Variants in EFHC1 observed in about 807,000 individuals in gnomAD.
EFHC1 encodes the protein EF-hand domain-containing protein 1.
EFHC1 carries 53 observed loss-of-function variants against 69.9 expected under a neutral mutation model. The observed-to-expected ratio is 0.76, with a 90% CI of 0.61 to 0.95. The LOEUF (loss-of-function observed/expected upper bound fraction) is 0.95. Among genes scored for constraint, EFHC1 ranks in the 40% least tolerant of loss-of-function variants. The pLI, the probability that EFHC1 is intolerant of heterozygous loss-of-function variation, is 0.00. For synonymous variants in EFHC1, 256 were observed against 278.4 expected (o/e 0.92, Z 0.80); for missense variants, 739 against 798.7 (o/e 0.93, Z 0.90).
In EFHC1 at chr6:52,469,330, C is replaced by T; in HGVS notation, c.1138-3C>T. On this transcript the variant is annotated splice_polypyrimidine_tract_variant and splice_region_variant and intron_variant, in intron 6 of 10. Coordinates refer to ENST00000371068, the MANE Select transcript of EFHC1 (RefSeq NM_018100.4). The stretch of plus-strand genomic sequence containing the variant: ...TTACTTCTTGCTTCCTATGTATCTC[C>T]AGGAGTTGCCTCCTTATAACGGTTT... The T allele has an allele frequency of 6.2e-7, 1 of 1,613,886 alleles. No individual in the cohort carries two copies. The highest frequency in any genetic ancestry group is 8.5e-7 in the Non-Finnish European group (1 of 1,179,888).
In EFHC1 at chr6:52,484,887, C is replaced by G. The variant is rs115637436; in HGVS notation, c.1640+5100C>G. Among the ~76,000 whole-genome samples the G allele has an allele frequency of 3.6e-3, 546 of 151,846 alleles. 3 individuals are homozygous for G. The highest frequency in any genetic ancestry group is 0.021 in the South Asian group (102 of 4,778). On this transcript the variant is annotated intron_variant, in intron 9 of 10. Transcript: ENST00000371068. ...GAGAGAGGAGAAGTTATGAAATGCT[C>G]TATTTTATTGAATATATAAATATCA...
chr6:52,497,135 C>CTCTTCTT lies in EFHC1; in HGVS notation c.*4798_*4799insCTTTCTT, dbSNP rs60898192. 1.3e-5 allele frequency: 2 copies of CTCTTCTT among 151,960 alleles called. No homozygotes were observed. Among genetic ancestry groups the CTCTTCTT allele is most frequent in the African/African-American group, 4.8e-5 (2 of 41,400 alleles). The allele number at this position is 151,960 out of a possible 1,614,324, so 9.4% of individuals were successfully genotyped here. On this transcript the variant is annotated 3_prime_UTR_variant, in exon 11 of 11. Coordinates refer to ENST00000371068, the MANE Select transcript of EFHC1 (RefSeq NM_018100.4). ...CCCACAAACCCCATGTTAAGAAAAC[C>CTCTTCTT]TCTTTTCCACTTTACTATTAAAGAG... is the stretch of plus-strand genomic sequence containing the variant.
chr6:52,472,508 A>G (rs887132052), intron 7 of EFHC1, among the ~76,000 whole-genome samples: 2 of 152,166 alleles, frequency 1.3e-5, no homozygotes, highest in African/African-American at 4.8e-5. Flanking sequence ...AAGAAAACAT[A>G]AAGTTAAAAA....
intron 2 of EFHC1, among the ~76,000 whole-genome samples, chr6:52,437,834 A>G (rs1336941777): frequency 6.6e-6 from 1 of 152,166 alleles, no homozygotes; most frequent in Non-Finnish European, 1.5e-5. Context: ...CTGTCTCCAA[A>G]TATAGTCACA....
intron 3 of EFHC1, among the ~76,000 whole-genome samples, chr6:52,449,589 C>T (rs1343732632): frequency 6.6e-6 from 1 of 152,136 alleles, no homozygotes; most frequent in African/African-American, 2.4e-5. Context: ...TCCATCTCTT[C>T]TAGGTTTTCT....
Position 52,479,029 on chromosome 6 carries a change from C to G in EFHC1, c.1279-8C>G, listed in dbSNP as rs751569889. The G allele has an allele frequency of 1.9e-5, 30 of 1,612,618 alleles. No homozygotes were observed. Among genetic ancestry groups the G allele is most frequent in the Non-Finnish European group, 2.5e-5 (29 of 1,179,696 alleles). ...CTTCATAATATCCTCTTTTCTTCAC[C>G]TTTGTAGGAATCCCCCATCCCAGAA... On this transcript the variant is annotated splice_region_variant and splice_polypyrimidine_tract_variant and intron_variant, in intron 7 of 10. Coordinates refer to ENST00000371068, the MANE Select transcript of EFHC1 (RefSeq NM_018100.4).
chr6:52,480,157 A>G (rs1581847934), intron 9 of EFHC1: 1 of 445,094 alleles, frequency 2.2e-6, no homozygotes, highest in South Asian at 2.7e-5. Flanking sequence ...TGTCATGTGT[A>G]TTGCATCCTG....
At chr6:52,425,566 T>A (rs939354476) in intron 2 of EFHC1, among the ~76,000 whole-genome samples, 3 of 152,214 alleles carry the variant, frequency 2.0e-5, no homozygotes, top group Non-Finnish European at 2.9e-5. Context: ...ACTTAATTTG[T>A]ACTTATTTAA....
intron 9 of EFHC1, chr6:52,486,741 C>G (rs1480462956): frequency 6.6e-6 from 1 of 152,074 alleles, no homozygotes; most frequent in Non-Finnish European, 1.5e-5. Context: ...TAAGTAACTC[C>G]TCCTATTTCT....
rs1766066024 is a variant in EFHC1 at position 52,496,513 on chromosome 6, A to C, written c.*4172A>C. On this transcript the variant is annotated 3_prime_UTR_variant, in exon 11 of 11. Coordinates refer to ENST00000371068, the MANE Select transcript of EFHC1 (RefSeq NM_018100.4). Reference sequence around the variant, plus strand: ...ACATAGGTAGAGAAGACGTCTCTAAATGTTGTCCAGAGAATCCACTTGGTT... The same window carrying C: ...ACATAGGTAGAGAAGACGTCTCTAACTGTTGTCCAGAGAATCCACTTGGTT... 1.3e-5 allele frequency: 2 copies of C among 152,276 alleles called. No individual in the cohort carries two copies. The highest frequency in any genetic ancestry group is 2.4e-5 in the African/African-American group (1 of 41,558). 9.4% of individuals were successfully genotyped at this position (152,276 alleles called of 1,614,324 possible). A position where few individuals can be genotyped will look rare whatever the true frequency, so the allele number is the denominator to read the frequency against.
intron 7 of EFHC1, among the ~76,000 whole-genome samples, chr6:52,471,174 G>T (rs1765428280): frequency 6.6e-6 from 1 of 152,206 alleles, no homozygotes; most frequent in African/African-American, 2.4e-5. Flanking sequence ...ACCCACCTGT[G>T]AGGACAAACA....
Position 52,493,093 on chromosome 6 carries a change from T to C in EFHC1, c.*752T>C, listed in dbSNP as rs1158297420. 2 of 453,938 alleles carry C rather than the reference T, an allele frequency of 4.4e-6. No individual in the cohort carries two copies. Among genetic ancestry groups the C allele is most frequent in the Non-Finnish European group, 8.8e-6 (2 of 226,800 alleles). The allele number at this position is 453,938 out of a possible 1,614,324, so 28.1% of individuals were successfully genotyped here. On this transcript the variant is annotated 3_prime_UTR_variant, in exon 11 of 11. Transcript: ENST00000371068. ...ACCTTTCCCCAGGTAAGAGAATTCCTCCTGCCTGACTGGCTTCAAATTGGA... is the reference window on the plus strand; with the variant it reads ...ACCTTTCCCCAGGTAAGAGAATTCCCCCTGCCTGACTGGCTTCAAATTGGA...
intron 3 of EFHC1, among the ~76,000 whole-genome samples, 186 bp from the exon 4 acceptor site, chr6:52,452,502 A>G (rs1319394827): frequency 1.3e-5 from 2 of 152,106 alleles, no homozygotes; most frequent in East Asian, 1.9e-4. Context: ...GGGTCTCACT[A>G]TGTTGCTCAG....
rs1009792884 is a variant in EFHC1, at chr6:52,424,232, G to C, written c.285+65G>C. The stretch of plus-strand genomic sequence containing the variant: ...CTGAGAGCCAACTGCTTGCAAAAAA[G>C]TTAAAACAGTAAACCACAGAATTTC... On this transcript the variant is annotated intron_variant, in intron 2 of 10. Coordinates refer to ENST00000371068, the MANE Select transcript of EFHC1 (RefSeq NM_018100.4). 13 of 1,461,224 alleles carry C rather than the reference G, an allele frequency of 8.9e-6. No individual in the cohort carries two copies. The African/African-American group carries it at 1.8e-4, about 21-fold the overall frequency. 90.5% of individuals were successfully genotyped at this position (1,461,224 alleles called of 1,614,324 possible).
chr6:52,470,713 A>T (rs761209754), intron 7 of EFHC1, among the ~76,000 whole-genome samples: 1 of 152,248 alleles, frequency 6.6e-6, no homozygotes, highest in Non-Finnish European at 1.5e-5. Flanking sequence ...GAAAAGGGAA[A>T]GGAACTCCTA....
At chr6:52,423,118 T>C (rs1047002178) in intron 1 of EFHC1, among the ~76,000 whole-genome samples, 1 of 152,254 alleles carries the variant, frequency 6.6e-6, no homozygotes, top group Non-Finnish European at 1.5e-5. Flanking sequence ...CGGGGTAGAA[T>C]TATTGAGTTC....
intron 2 of EFHC1, among the ~76,000 whole-genome samples, chr6:52,426,197 A>C (rs1764297392): frequency 6.6e-6 from 1 of 152,180 alleles, no homozygotes; most frequent in South Asian, 2.1e-4. Context: ...AATCACTTAC[A>C]ATCTGACTTC....
At position 52,496,137 on chromosome 6, in the gene EFHC1, T is replaced by G. The variant is rs1766052293; in HGVS notation, c.*3796T>G. Reference sequence around the variant, plus strand: ...CATTACCCTGTAGCAAGCAATATTGTAGGAAGCAGAAATGATCATCACTTC... The same window carrying G: ...CATTACCCTGTAGCAAGCAATATTGGAGGAAGCAGAAATGATCATCACTTC... On this transcript the variant is annotated 3_prime_UTR_variant, in exon 11 of 11. Coordinates refer to ENST00000371068, the MANE Select transcript of EFHC1 (RefSeq NM_018100.4). 1 of 162,810 alleles carries G rather than the reference T, an allele frequency of 6.1e-6. No homozygotes were observed. Among genetic ancestry groups the G allele is most frequent in the African/African-American group, 2.4e-5 (1 of 41,472 alleles). The allele number at this position is 162,810 out of a possible 1,614,324, so 10.1% of individuals were successfully genotyped here. A position where few individuals can be genotyped will look rare whatever the true frequency, so the allele number is the denominator to read the frequency against.
chr6:52,491,445 T>C (rs1202926947), intron 10 of EFHC1, among the ~76,000 whole-genome samples: 1 of 152,214 alleles, frequency 6.6e-6, no homozygotes, highest in Non-Finnish European at 1.5e-5. Flanking sequence ...ACCCTTCCGT[T>C]AGGCTGTGGT....
Sources: allele counts gnomAD v4.1 joint callset (sites outside exome capture counted in the v4.1 genomes callset), GRCh38; gene constraint gnomAD v4.1.1; transcripts MANE v1.5; gene names NCBI Gene and HGNC (gene_info 2026-07-23, HGNC 2026-07-21).